CDH2: variants seen among roughly 807,000 people sequenced by gnomAD.
CDH2 encodes the protein cadherin-2.
A neutral mutation model predicts 92.0 loss-of-function variants in CDH2; 17 were observed. That is an observed-to-expected ratio of 0.18 (90% CI 0.13 to 0.28). The LOEUF is 0.28. CDH2 is among the 10% of genes least tolerant of loss of function. The probability of loss-of-function intolerance (pLI) is 1.00; values close to 1 mark genes in which losing one functional copy is unlikely to be tolerated. For synonymous variants in CDH2, 419 were observed against 415.9 expected (o/e 1.01, Z -0.09); for missense variants, 862 against 1,133.1 (o/e 0.76, Z 3.44).
At chr18:27,947,715 ATAAG>A (rs987793740), downstream of CDH2, among the ~76,000 whole-genome samples, 5 of 79,316 alleles carry the variant, frequency 6.3e-5, no homozygotes, top group Non-Finnish European at 1.7e-4. Flanking sequence ...TATATGTGAT[ATAAG>A]TATGTGATGT....
intron 11 of CDH2, among the ~76,000 whole-genome samples, chr18:27,987,000 T>G (rs2012255697): frequency 6.6e-6 from 1 of 152,258 alleles, no homozygotes; most frequent in Non-Finnish European, 1.5e-5. Context: ...AGTCTAGCCT[T>G]GTGGCTTAAA....
At chr18:27,958,222 T>C (rs1046527292) in intron 15 of CDH2, among the ~76,000 whole-genome samples, 2 of 152,166 alleles carry the variant, frequency 1.3e-5, no homozygotes, top group Admixed American at 1.3e-4. Flanking sequence ...GCCCAACTTC[T>C]ATAAGACCAT....
chr18:27,992,094 G>C (rs1440242890), intron 9 of CDH2, among the ~76,000 whole-genome samples: 10 of 152,156 alleles, frequency 6.6e-5, no homozygotes, highest in Admixed American at 5.9e-4. Flanking sequence ...GCAAATGCAA[G>C]AGCTTTCTAA....
chr18:28,080,428 A>G (rs2014806797), intron 2 of CDH2, among the ~76,000 whole-genome samples: 1 of 152,194 alleles, frequency 6.6e-6, no homozygotes. Flanking sequence ...TCTGCCATAA[A>G]GCTGCCTCGC....
chr18:28,019,484 T>TAA (rs1051038133), intron 2 of CDH2, among the ~76,000 whole-genome samples: 4 of 152,064 alleles, frequency 2.6e-5, no homozygotes, highest in African/African-American at 9.7e-5. Flanking sequence ...GTTGTACTGT[T>TAA]ACTTATTTGG....
chr18:28,032,010 A>G (rs570928124), intron 2 of CDH2, among the ~76,000 whole-genome samples: 18 of 152,228 alleles, frequency 1.2e-4, no homozygotes, highest in African/African-American at 4.3e-4. Context: ...ACTCTCTTCA[A>G]TAAAATCTAA....
chr18:28,174,408 C>T (rs2144376197), intron 1 of CDH2, among the ~76,000 whole-genome samples: 1 of 152,260 alleles, frequency 6.6e-6, no homozygotes, highest in Non-Finnish European at 1.5e-5. Flanking sequence ...GCACTTAACC[C>T]TAAAACTCAT....
chr18:27,953,650 A>C (rs1909570732), intron 15 of CDH2, among the ~76,000 whole-genome samples: 1 of 53,012 alleles, frequency 1.9e-5, no homozygotes. Context: ...AGAGCAAAAA[A>C]ATTAAGGTCA....
At chr18:28,100,932 T>TA (rs1465450682) in intron 2 of CDH2, among the ~76,000 whole-genome samples, 1 of 152,086 alleles carries the variant, frequency 6.6e-6, no homozygotes, top group Non-Finnish European at 1.5e-5. Flanking sequence ...GCTAATACCA[T>TA]AAAAAAGAGT....
At chr18:28,086,653 G>A (rs1041173258) in intron 2 of CDH2, among the ~76,000 whole-genome samples, 1 of 151,986 alleles carries the variant, frequency 6.6e-6, no homozygotes, top group East Asian at 1.9e-4. Flanking sequence ...TTTGCTTTTT[G>A]CTCACACACA....
chr18:28,087,601 T>C (rs1183439048), intron 2 of CDH2, among the ~76,000 whole-genome samples: 1 of 151,810 alleles, frequency 6.6e-6, no homozygotes, highest in African/African-American at 2.4e-5. Context: ...GAAAAAAAAA[T>C]AACCCTTGTC....
intron 6 of CDH2, among the ~76,000 whole-genome samples, chr18:27,945,107 T>C (rs905554276): frequency 2.0e-5 from 3 of 152,094 alleles, no homozygotes; most frequent in African/African-American, 7.2e-5. Context: ...ATCATCTTTT[T>C]CCACCCACCC....
intron 1 of CDH2, among the ~76,000 whole-genome samples, chr18:28,160,493 C>T (rs1164562832): frequency 6.6e-6 from 1 of 152,164 alleles, no homozygotes; most frequent in Non-Finnish European, 1.5e-5. Flanking sequence ...CTCACTTGGG[C>T]AAGGTGGGGA....
chr18:28,056,168 G>T (rs2014289460), intron 2 of CDH2, among the ~76,000 whole-genome samples: 1 of 151,972 alleles, frequency 6.6e-6, no homozygotes. Flanking sequence ...ATGATGAAAA[G>T]GATATTAGAA....
chr18:28,098,977 A>C (rs2015183522), intron 2 of CDH2, among the ~76,000 whole-genome samples: 2 of 152,110 alleles, frequency 1.3e-5, no homozygotes, highest in African/African-American at 4.8e-5. Flanking sequence ...TAGGGGAAAA[A>C]CTGGATGGAT....
At chr18:28,155,468 G>A (rs932711289) in intron 1 of CDH2, among the ~76,000 whole-genome samples, 1 of 152,028 alleles carries the variant, frequency 6.6e-6, no homozygotes, top group East Asian at 1.9e-4. Context: ...TTGTGAAGAA[G>A]GAATACCGTA....
intron 2 of CDH2, among the ~76,000 whole-genome samples, chr18:28,083,140 G>C (rs1467820908): frequency 6.6e-6 from 1 of 152,100 alleles, no homozygotes; most frequent in Non-Finnish European, 1.5e-5. Context: ...AGCTACTGGA[G>C]ACACAGATAG....
At chr18:27,979,133 T>C (rs2011952828) in intron 14 of CDH2, among the ~76,000 whole-genome samples, 3 of 152,152 alleles carry the variant, frequency 2.0e-5, no homozygotes. Context: ...AACACATATC[T>C]ATAATCTATA....
chr18:28,146,338 ATAAT>A (rs994610977), intron 2 of CDH2: 1 of 152,106 alleles, frequency 6.6e-6, no homozygotes, highest in African/African-American at 2.4e-5. Context: ...GTGCCAAGTA[ATAAT>A]TTAAAGATTT....
Sources: allele counts gnomAD v4.1 joint callset (sites outside exome capture counted in the v4.1 genomes callset), GRCh38; gene constraint gnomAD v4.1.1; transcripts MANE v1.5; gene names NCBI Gene and HGNC (gene_info 2026-07-23, HGNC 2026-07-21).